The following RBFOX2 variants were observed in gnomAD, a reference collection of about 807,000 sequenced individuals.
The protein encoded by RBFOX2 is RNA binding protein fox-1 homolog 2.
RBFOX2 carries 10 observed loss-of-function variants against 49.1 expected under a neutral mutation model. The ratio of observed to expected loss-of-function variants is 0.20; its 90% confidence interval spans 0.13 to 0.35. The LOEUF is 0.35. Among genes scored for constraint, RBFOX2 ranks in the 10% least tolerant of loss-of-function variants. The pLI is 1.00. For synonymous variants in RBFOX2, 183 were observed against 187.4 expected (o/e 0.98, Z 0.19); for missense variants, 323 against 486.9 (o/e 0.66, Z 3.17).
intron 1 of RBFOX2, among the ~76,000 whole-genome samples, chr22:35,968,018 C>G (rs147045979): frequency 6.6e-6 from 1 of 152,140 alleles, no homozygotes; most frequent in Non-Finnish European, 1.5e-5. Flanking sequence ...TGCTTTCACA[C>G]ACCCACACAA....
chr22:36,004,796 C>CA (rs768042594), intron 1 of RBFOX2, among the ~76,000 whole-genome samples: 62 of 141,130 alleles, frequency 4.4e-4, no homozygotes, highest in East Asian at 6.1e-4. Flanking sequence ...AACTCTGTCT[C>CA]AAAAAAAAAA....
chr22:35,972,271 G>C (rs1047287030), intron 1 of RBFOX2, among the ~76,000 whole-genome samples: 4 of 152,006 alleles, frequency 2.6e-5, no homozygotes, highest in African/African-American at 9.7e-5. Flanking sequence ...TTAGGGAACT[G>C]TTTTCATGTG....
chr22:35,742,125 G>A (rs1471091730), exon 12 of RBFOX2: 1 of 152,194 alleles, frequency 6.6e-6, no homozygotes, highest in East Asian at 1.9e-4. Flanking sequence ...AACAAAAATT[G>A]TCTTAACAGC....
intron 2 of RBFOX2, among the ~76,000 whole-genome samples, chr22:35,805,154 G>T (rs1460725259): frequency 6.6e-6 from 1 of 151,882 alleles, no homozygotes; most frequent in African/African-American, 2.4e-5. Context: ...GCCGGGCGTG[G>T]TGGCGGGCAC....
At chr22:35,985,396 G>T (rs542761112) in intron 1 of RBFOX2, among the ~76,000 whole-genome samples, 1 of 152,222 alleles carries the variant, frequency 6.6e-6, no homozygotes, top group South Asian at 2.1e-4. Context: ...GGTAAAGAGT[G>T]AAGTGCACAG....
At chr22:35,768,439 T>TGA in intron 4 of RBFOX2, 90 bp from the exon 6 acceptor site, 1 of 1,161,590 alleles carries the variant, frequency 8.6e-7, no homozygotes, top group Non-Finnish European at 1.3e-6. Context: ...TATCATAGTA[T>TGA]GAAACTGACA....
rs369005357 is a variant in RBFOX2 at position 35,805,246 on chromosome 22, C to T, written c.252+4534G>A. Among the ~76,000 whole-genome samples the T allele has an allele frequency of 2.1e-4, 31 of 144,988 alleles. No individual in the cohort carries two copies. In the East Asian group the frequency reaches 4.9e-3, roughly 23 times the overall value. The stretch of plus-strand genomic sequence containing the variant: ...CGGAGCTTGCAGTGAGCCGAGATCG[C>T]GCCACTGCACTCCAGCCTGGGCGAC... On this transcript the variant is annotated intron_variant, in intron 2 of 11. Coordinates refer to ENST00000405409, the Ensembl canonical transcript of RBFOX2.
At chr22:35,996,767 G>C (rs946959741) in intron 1 of RBFOX2, 3 of 152,188 alleles carry the variant, frequency 2.0e-5, no homozygotes, top group Admixed American at 6.5e-5. Flanking sequence ...AAGAGAGGTT[G>C]CTCTATGGTT....
chr22:35,947,889 T>A lies in RBFOX2; in HGVS notation c.43-8992A>T, dbSNP rs182788923. Among the ~76,000 whole-genome samples, 13 of 152,180 alleles carry A rather than the reference T, an allele frequency of 8.5e-5. No individual in the cohort carries two copies. In the East Asian group the frequency reaches 2.5e-3, roughly 29 times the overall value. On this transcript the variant is annotated intron_variant, in intron 1 of 5. Coordinates refer to the RBFOX2 transcript ENST00000408983. ...CAAATTTGTTGTTAAAGAAAAATAA[T>A]TTTGTAAAAATTTAGCGTAGCCTAA... is the stretch of plus-strand genomic sequence containing the variant.
intron 1 of RBFOX2, among the ~76,000 whole-genome samples, chr22:36,008,021 T>C (rs888135343): frequency 2.0e-5 from 3 of 152,226 alleles, no homozygotes; most frequent in Non-Finnish European, 4.4e-5. Flanking sequence ...CAAGAGCATC[T>C]GTAGGATAAA....
chr22:35,761,006 G>C (rs1330598903), intron 8 of RBFOX2, among the ~76,000 whole-genome samples, 196 bp downstream of exon 9: 2 of 152,112 alleles, frequency 1.3e-5, no homozygotes, highest in East Asian at 3.9e-4. Flanking sequence ...AACTATTTCT[G>C]CTTTGTGCAA....
intron 1 of RBFOX2, among the ~76,000 whole-genome samples, chr22:35,826,046 CA>C (rs71736820): frequency 0.32 from 32,083 of 100,672 alleles, 4,012 homozygotes; most frequent in African/African-American, 0.44. Context: ...TTGCTTTTGG[CA>C]AAAAAAAAAA....
At chr22:35,859,679 T>G (rs1227233048) in intron 1 of RBFOX2, among the ~76,000 whole-genome samples, 2 of 152,226 alleles carry the variant, frequency 1.3e-5, no homozygotes, top group African/African-American at 4.8e-5. Context: ...GCAGTTTTGT[T>G]AAAAGTGTCA....
intron 2 of RBFOX2, among the ~76,000 whole-genome samples, chr22:35,794,995 A>G (rs1267524910): frequency 6.6e-6 from 1 of 152,202 alleles, no homozygotes; most frequent in Admixed American, 6.5e-5. Flanking sequence ...CTTGAGTCTT[A>G]TATGATCCAA....
intron 1 of RBFOX2, among the ~76,000 whole-genome samples, chr22:35,810,682 G>C (rs1951701010): frequency 6.6e-6 from 1 of 152,006 alleles, no homozygotes; most frequent in Admixed American, 6.5e-5. Flanking sequence ...CATCAAATCA[G>C]CAAAAAAATT....
Position 35,779,587 on chromosome 22 carries a change from AG to A in RBFOX2, c.400-1510del, listed in dbSNP as rs200590788. On this transcript the variant is annotated intron_variant, in intron 3 of 11. Coordinates refer to ENST00000405409, the Ensembl canonical transcript of RBFOX2. Reference sequence around the variant, plus strand: ...AACTAAGATTTGTATGGTGCTTTGGAGTTTGTTTTGTTTTATATTTTCTAAT... The same window carrying A: ...AACTAAGATTTGTATGGTGCTTTGGATTTGTTTTGTTTTATATTTTCTAAT... 8.0e-3 allele frequency among the ~76,000 whole-genome samples: 1,222 copies of A among 152,158 alleles called. 52 individuals carry two copies. Among genetic ancestry groups the A allele is most frequent in the Admixed American group, 0.073 (1,112 of 15,278 alleles).
At chr22:35,874,404 A>C (rs1002204244) in intron 1 of RBFOX2, among the ~76,000 whole-genome samples, 2 of 152,236 alleles carry the variant, frequency 1.3e-5, no homozygotes, top group African/African-American at 4.8e-5. Context: ...AAGTTGTCAA[A>C]AACATGTCCA....
At chr22:35,783,860 A>T (rs1302575478) in intron 2 of RBFOX2, among the ~76,000 whole-genome samples, 1 of 152,206 alleles carries the variant, frequency 6.6e-6, no homozygotes, top group Non-Finnish European at 1.5e-5. Flanking sequence ...CCATGCCTGT[A>T]AGGAAGGCAC....
chr22:35,939,420 T>C (rs1490634476), upstream of RBFOX2, among the ~76,000 whole-genome samples: 1 of 152,152 alleles, frequency 6.6e-6, no homozygotes, highest in East Asian at 1.9e-4. Flanking sequence ...CCCTCAGTTT[T>C]TACTTTTTTA....
Sources: allele counts gnomAD v4.1 joint callset (sites outside exome capture counted in the v4.1 genomes callset), GRCh38; gene constraint gnomAD v4.1.1; transcripts MANE v1.5; gene names NCBI Gene and HGNC (gene_info 2026-07-23, HGNC 2026-07-21).